SKAP1: variants seen among roughly 807,000 people sequenced by gnomAD.
The protein encoded by SKAP1 is src kinase-associated phosphoprotein 1.
A neutral mutation model predicts 58.5 loss-of-function variants in SKAP1; 44 were observed. The observed-to-expected ratio is 0.75, with a 90% CI of 0.59 to 0.97. The LOEUF (loss-of-function observed/expected upper bound fraction) is 0.97. Among genes scored for constraint, SKAP1 ranks in the 50% least tolerant of loss-of-function variants. The probability of loss-of-function intolerance (pLI) is 0.00; values close to 1 mark genes in which losing one functional copy is unlikely to be tolerated. For missense variants in SKAP1, 390 were observed against 435.2 expected, an observed-to-expected ratio of 0.90 and a Z score of 0.92; for synonymous variants, 127 against 149.7, an observed-to-expected ratio of 0.85 and a Z score of 1.11.
chr17:48,191,324 T>G (rs1045207885), intron 4 of SKAP1, among the ~76,000 whole-genome samples: 2 of 152,234 alleles, frequency 1.3e-5, no homozygotes, highest in Admixed American at 1.3e-4. Context: ...GTAATTGGGC[T>G]AGCGGTATTT....
chr17:48,391,450 G>A (rs539055907), intron 2 of SKAP1, among the ~76,000 whole-genome samples: 3 of 152,246 alleles, frequency 2.0e-5, no homozygotes, highest in South Asian at 2.1e-4. Context: ...CTCACCTGTA[G>A]GGCATTCCAG....
At chr17:48,305,273 C>T (rs1188617063) in intron 4 of SKAP1, among the ~76,000 whole-genome samples, 1 of 152,048 alleles carries the variant, frequency 6.6e-6, no homozygotes, top group Non-Finnish European at 1.5e-5. Context: ...CAGCCTCAAC[C>T]CCCTGTACTC....
rs950300703 is a variant in SKAP1, at chr17:48,188,682, T to C, written c.358+741A>G. Among the ~76,000 whole-genome samples, 5 of 149,236 alleles carry C rather than the reference T, an allele frequency of 3.4e-5. No homozygotes were observed. In the Admixed American group the frequency reaches 3.4e-4, roughly 10 times the overall value. ...GCCTTGGTAATAGAGGGAGATCCTA[T>C]CTTAAAACAAAAAAAGAAAGAAAGA... On this transcript the variant is annotated intron_variant, in intron 5 of 12. Coordinates refer to ENST00000336915, the MANE Select transcript of SKAP1 (RefSeq NM_003726.4).
intron 4 of SKAP1, among the ~76,000 whole-genome samples, chr17:48,205,037 T>TTCTTTTTCTTTCTTTCTTTCTC (rs1567820039): frequency 1.4e-4 from 8 of 55,802 alleles, no homozygotes; most frequent in Admixed American, 2.5e-4. Context: ...CTTTCTTTCT[T>TTCTTTTTCTTTCTTTCTTTCTC]TCTCTCTCTC....
At chr17:48,292,288 C>T (rs984688336) in intron 4 of SKAP1, among the ~76,000 whole-genome samples, 3 of 151,946 alleles carry the variant, frequency 2.0e-5, no homozygotes, top group Admixed American at 2.0e-4. Context: ...TGTCATTGGT[C>T]AATCGTTTAG....
At chr17:48,381,026 T>C (rs1053356414) in intron 2 of SKAP1, among the ~76,000 whole-genome samples, 15 of 152,248 alleles carry the variant, frequency 9.9e-5, no homozygotes, top group Admixed American at 2.6e-4. Flanking sequence ...CCAATGATAC[T>C]GAAAAATAAA....
rs572849465 is a variant in SKAP1, at chr17:48,325,216, T to C, written c.280+20689A>G. ...GTGAGCGGAGAGCAGGCCACTGCACTGCAGCCTGGGCGACAGAGTGAGACT... is the reference window on the plus strand; with the variant it reads ...GTGAGCGGAGAGCAGGCCACTGCACCGCAGCCTGGGCGACAGAGTGAGACT... On this transcript the variant is annotated intron_variant, in intron 4 of 12. Transcript: ENST00000336915. Among the ~76,000 whole-genome samples, 9 of 130,064 alleles carry C rather than the reference T, an allele frequency of 6.9e-5. No homozygotes were observed. In the South Asian group the frequency reaches 2.0e-3, roughly 29 times the overall value. 85.3% of individuals were successfully genotyped at this position (130,064 alleles called of 152,430 possible).
chr17:48,370,077 T>C (rs1486229326), intron 2 of SKAP1, among the ~76,000 whole-genome samples: 2 of 152,180 alleles, frequency 1.3e-5, no homozygotes, highest in Non-Finnish European at 2.9e-5. Flanking sequence ...GTATCTTTCA[T>C]ACTGCAAACA....
intron 11 of SKAP1, among the ~76,000 whole-genome samples, chr17:48,146,874 C>T (rs1228040852): frequency 1.3e-5 from 2 of 152,130 alleles, no homozygotes; most frequent in African/African-American, 4.8e-5. Flanking sequence ...GAGATCCTGC[C>T]CACCTCCACC....
intron 4 of SKAP1, among the ~76,000 whole-genome samples, chr17:48,199,527 G>A (rs868347894): frequency 6.6e-6 from 1 of 152,108 alleles, no homozygotes; most frequent in Non-Finnish European, 1.5e-5. Context: ...CATCCTCTTT[G>A]AATCTTTGAT....
At chr17:48,223,938 A>G (rs147616441) in intron 4 of SKAP1, among the ~76,000 whole-genome samples, 180 of 151,874 alleles carry the variant, frequency 1.2e-3, no homozygotes, top group African/African-American at 4.3e-3. Flanking sequence ...ATAAAAACCT[A>G]CAGCTCAGAG....
chr17:48,182,756 G>T (rs1285572417), intron 7 of SKAP1, among the ~76,000 whole-genome samples: 4 of 152,130 alleles, frequency 2.6e-5, no homozygotes, highest in Non-Finnish European at 5.9e-5. Flanking sequence ...AAGTTTACAA[G>T]AAAAAGAAGC....
At chr17:48,430,845 A>G (rs2067909702), upstream of SKAP1, among the ~76,000 whole-genome samples, 1 of 152,182 alleles carries the variant, frequency 6.6e-6, no homozygotes, top group Non-Finnish European at 1.5e-5. Context: ...GCTGAGGGAG[A>G]GGAGAACAGA....
chr17:48,436,525 C>G, the SKAP1 span, among the ~76,000 whole-genome samples: 2 of 152,034 alleles, frequency 1.3e-5, no homozygotes, highest in Non-Finnish European at 1.5e-5. Flanking sequence ...CTTGCCTCCT[C>G]TCATCCCTCC....
rs540663478 is a variant in SKAP1, at chr17:48,298,700, C to T, written c.280+47205G>A. On this transcript the variant is annotated intron_variant, in intron 4 of 12. Transcript: ENST00000336915. ...ATCCTGTTTTCATGAAAGAGTTAAA[C>T]TCCTTCTATAAGGTAAAGAGCTTAA... is the stretch of plus-strand genomic sequence containing the variant. 1.2e-4 allele frequency among the ~76,000 whole-genome samples: 19 copies of T among 152,274 alleles called. 1 individual carries two copies. The South Asian group carries it at 3.7e-3, about 30-fold the overall frequency.
chr17:48,337,186 A>C (rs556142250), intron 4 of SKAP1, among the ~76,000 whole-genome samples: 1 of 152,310 alleles, frequency 6.6e-6, no homozygotes, highest in Non-Finnish European at 1.5e-5. Context: ...TTAGGGCCCA[A>C]CATAAAAAAG....
At chr17:48,236,115 A>G (rs2143802487) in intron 4 of SKAP1, among the ~76,000 whole-genome samples, 1 of 152,344 alleles carries the variant, frequency 6.6e-6, no homozygotes, top group East Asian at 1.9e-4. Context: ...ATACATTCAT[A>G]CATAGAGTTA....
chr17:48,417,667 C>A (rs982491587), intron 1 of SKAP1, among the ~76,000 whole-genome samples: 5 of 151,440 alleles, frequency 3.3e-5, no homozygotes, highest in Non-Finnish European at 7.4e-5. Flanking sequence ...ATCACTTGAA[C>A]CCAGGAGGCA....
At chr17:48,396,959 A>G (rs912335493) in intron 1 of SKAP1, 174 bp from the exon 2 acceptor site, 2 of 181,762 alleles carry the variant, frequency 1.1e-5, no homozygotes, top group African/African-American at 4.8e-5. Flanking sequence ...TTGTGGCACA[A>G]TGTGAATGTG....
Sources: allele counts gnomAD v4.1 joint callset (sites outside exome capture counted in the v4.1 genomes callset), GRCh38; gene constraint gnomAD v4.1.1; transcripts MANE v1.5; gene names NCBI Gene and HGNC (gene_info 2026-07-23, HGNC 2026-07-21).